PCDHGA9: variants seen among roughly 807,000 people sequenced by gnomAD.
The protein encoded by PCDHGA9 is protocadherin gamma subfamily A, 9, also known as protocadherin gamma-A9.
Under a neutral mutation model 62.5 loss-of-function variants are expected in PCDHGA9, and 37 were observed. The observed-to-expected ratio is 0.59, with a 90% CI of 0.46 to 0.78. The LOEUF (loss-of-function observed/expected upper bound fraction) is 0.78, where lower values mean the gene tolerates loss of function less well. PCDHGA9 is among the 30% of genes least tolerant of loss of function. The probability of loss-of-function intolerance (pLI) is 0.00; values close to 1 mark genes in which losing one functional copy is unlikely to be tolerated. For synonymous variants in PCDHGA9, 459 were observed against 484.6 expected (o/e 0.95, Z 0.69); for missense variants, 1,138 against 1,166.2 (o/e 0.98, Z 0.35).
At chr5:141,468,160 G>C (rs2099158881) in intron 1 of PCDHGA9, among the ~76,000 whole-genome samples, 1 of 151,468 alleles carries the variant, frequency 6.6e-6, no homozygotes, top group African/African-American at 2.4e-5. Context: ...CCCTGTCTCT[G>C]CTAAAAATAG....
At position 141,413,407 on chromosome 5, in the gene PCDHGA9, C is replaced by G. The variant is rs372466798; in HGVS notation, c.2424+8031C>G. The G allele has an allele frequency of 3.3e-5, 53 of 1,613,926 alleles. No homozygotes were observed. Among genetic ancestry groups the G allele is most frequent in the Middle Eastern group, 1.6e-4 (1 of 6,082 alleles). ...CATAGTCTCCAGAGGTAGGACGCAG[C>G]TTTTCTCTCTGAACCCGCGCAGCGG... On this transcript the variant is annotated intron_variant, in intron 1 of 3. Transcript: ENST00000573521.
At chr5:141,418,811 A>C in intron 1 of PCDHGA9, 1 of 1,613,916 alleles carries the variant, frequency 6.2e-7, no homozygotes. Context: ...ATATACGATA[A>C]ACATAGAAGC....
intron 1 of PCDHGA9, among the ~76,000 whole-genome samples, chr5:141,456,006 T>C (rs909931677): frequency 6.6e-6 from 1 of 151,852 alleles, no homozygotes; most frequent in Non-Finnish European, 1.5e-5. Flanking sequence ...CATGCCATTC[T>C]CCTGCCTCAG....
At position 141,427,886 on chromosome 5, in the gene PCDHGA9, C is replaced by T. The variant is rs908553179; in HGVS notation, c.2424+22510C>T. The T allele has an allele frequency of 1.9e-6, 3 of 1,565,276 alleles. 1 individual carries two copies. On this transcript the variant is annotated intron_variant, in intron 1 of 3. Coordinates refer to ENST00000573521, the MANE Select transcript of PCDHGA9 (RefSeq NM_018921.3). ...TCGAGCTCACGATGCAGGCCCACGA[C>T]CAGGGCTCGCCCGCGCTCAGCGCCA...
At position 141,494,730 on chromosome 5, in the gene PCDHGA9, G is replaced by A. The variant is rs1595262506; in HGVS notation, c.2425-77G>A. 18 of 1,609,816 alleles carry A rather than the reference G, an allele frequency of 1.1e-5. No individual in the cohort carries two copies. In the East Asian group the frequency reaches 4.0e-4, roughly 36 times the overall value. On this transcript the variant is annotated intron_variant, in intron 1 of 3. Coordinates refer to ENST00000573521, the MANE Select transcript of PCDHGA9 (RefSeq NM_018921.3). ...GTGCCCACTCCCCTCCTTCTCTCCC[G>A]GCCCATCCCTAGGGGCTCGGGTGAC...
At chr5:141,470,548 A>G (rs2099232978) in intron 1 of PCDHGA9, among the ~76,000 whole-genome samples, 1 of 152,182 alleles carries the variant, frequency 6.6e-6, no homozygotes, top group Non-Finnish European at 1.5e-5. Context: ...ATATTTATTG[A>G]GAGTTTCCTC....
At chr5:141,433,004 T>G (rs368646186) in intron 1 of PCDHGA9, 48 of 1,614,028 alleles carry the variant, frequency 3.0e-5, no homozygotes, top group Non-Finnish European at 3.4e-5. Context: ...GGTGCAGGCT[T>G]TCCTGCAGAC....
At chr5:141,504,643 G>A (rs1049421626) in intron 2 of PCDHGA9, among the ~76,000 whole-genome samples, 3 of 124,276 alleles carry the variant, frequency 2.4e-5, no homozygotes, top group African/African-American at 9.0e-5. Flanking sequence ...AAGGTTTGAT[G>A]ATAGAGTGTT....
Position 141,476,745 on chromosome 5 carries a change from T to C in PCDHGA9, c.2425-18062T>C, listed in dbSNP as rs1372622323. 6.2e-7 allele frequency: 1 copy of C among 1,613,958 alleles called. No individual in the cohort carries two copies. On this transcript the variant is annotated intron_variant, in intron 1 of 3. Coordinates refer to ENST00000573521, the MANE Select transcript of PCDHGA9 (RefSeq NM_018921.3). This position sits in a 1 kb window ranked among gnomAD's most constrained non-coding sequence, Gnocchi z 7.6. The stretch of plus-strand genomic sequence containing the variant: ...CTGGACCGAGAACGGGAGCCTAGTC[T>C]CCAGTTAGTGCTGACGGCGTTGGAC...
chr5:141,474,153 A>G (rs1424442765), intron 1 of PCDHGA9, among the ~76,000 whole-genome samples: 3 of 152,254 alleles, frequency 2.0e-5, no homozygotes, highest in Non-Finnish European at 4.4e-5. Flanking sequence ...TATCAAGAAA[A>G]TGACAGGCCT....
chr5:141,464,524 T>C (rs2099086175), intron 1 of PCDHGA9, among the ~76,000 whole-genome samples: 1 of 152,094 alleles, frequency 6.6e-6, no homozygotes, highest in Non-Finnish European at 1.5e-5. Context: ...AAGGCATATG[T>C]AGTTTTGTTA....
chr5:141,494,749 G>C (rs573811540), intron 1 of PCDHGA9, 58 bp from the exon 2 acceptor site: 3 of 1,612,818 alleles, frequency 1.9e-6, no homozygotes, highest in South Asian at 2.2e-5. Context: ...CTAGGGGCTC[G>C]GGTGACATTC....
intron 1 of PCDHGA9, among the ~76,000 whole-genome samples, chr5:141,439,050 A>G (rs1353548752): frequency 1.3e-5 from 2 of 151,164 alleles, no homozygotes; most frequent in Non-Finnish European, 2.9e-5. Flanking sequence ...TAAGATTTCC[A>G]TATTGTGTGG....
rs754536860 is a variant in PCDHGA9, at chr5:141,432,221, A to G, written c.2424+26845A>G. The G allele has an allele frequency of 2.5e-6, 4 of 1,614,190 alleles. No homozygotes were observed. The South Asian group carries it at 4.4e-5, about 18-fold the overall frequency. ...CGACTGTGAAGAGAACGCCCAGATC[A>G]CTTATTCCCTGGCTGAGAACACCAT... On this transcript the variant is annotated intron_variant, in intron 1 of 3. Coordinates refer to ENST00000573521, the MANE Select transcript of PCDHGA9 (RefSeq NM_018921.3). The surrounding 1 kb of genome is among the most constrained non-coding windows in gnomAD (Gnocchi z 6.0).
intron 1 of PCDHGA9, among the ~76,000 whole-genome samples, chr5:141,450,696 A>G (rs943551061): frequency 1.3e-5 from 2 of 152,164 alleles, no homozygotes; most frequent in East Asian, 3.9e-4. Flanking sequence ...CATGTTGCCC[A>G]GGATGGTCTC....
At chr5:141,426,680 T>TC in intron 1 of PCDHGA9, 1 of 431,452 alleles carries the variant, frequency 2.3e-6, no homozygotes, top group South Asian at 1.6e-5. Context: ...CACCTCATTT[T>TC]CCCCAAAATA....
Position 141,485,072 on chromosome 5 carries a change from G to C in PCDHGA9, c.2425-9735G>C. 1.1e-6 allele frequency: 1 copy of C among 917,012 alleles called. No individual in the cohort carries two copies. The highest frequency in any genetic ancestry group is 1.7e-6 in the Non-Finnish European group (1 of 587,880). 56.8% of individuals were successfully genotyped at this position (917,012 alleles called of 1,614,324 possible). On this transcript the variant is annotated intron_variant, in intron 1 of 3. Coordinates refer to ENST00000573521, the MANE Select transcript of PCDHGA9 (RefSeq NM_018921.3). The surrounding 1 kb of genome is among the most constrained non-coding windows in gnomAD (Gnocchi z 5.7). ...CCGGCCGAACCGCGCCAGAGCTGGCGCGGGGAAAGGGAGATAGGTGTCTCC... is the reference window on the plus strand; with the variant it reads ...CCGGCCGAACCGCGCCAGAGCTGGCCCGGGGAAAGGGAGATAGGTGTCTCC...
At chr5:141,494,902 C>A (rs2099757367) in intron 2 of PCDHGA9, 37 bp downstream of exon 2, 1 of 1,614,024 alleles carries the variant, frequency 6.2e-7, no homozygotes, top group East Asian at 2.2e-5. Context: ...CTCTTCTCTG[C>A]GGCATTTTCT....
In PCDHGA9 at chr5:141,511,233, T is replaced by C. The variant is rs776405064; in HGVS notation, c.*60T>C. 5.0e-6 allele frequency: 8 copies of C among 1,595,310 alleles called. No homozygotes were observed. Among genetic ancestry groups the C allele is most frequent in the Non-Finnish European group, 6.8e-6 (8 of 1,170,902 alleles). On this transcript the variant is annotated 3_prime_UTR_variant, in exon 4 of 4. Transcript: ENST00000573521. ...CTCCCCAACCAGCCCAGCTTCTCCT[T>C]ACCTGCACCCAGGCCTCAGAGTTTC...
Sources: gnomAD v4.1 joint callset for allele counts (sites outside exome capture counted in the v4.1 genomes callset) on GRCh38, gnomAD v4.1.1 for gene constraint, Gnocchi (gnomAD v3.1) non-coding constraint, MANE v1.5 for transcripts, NCBI Gene and HGNC (gene_info 2026-07-23, HGNC 2026-07-21) for gene names.